Variants in PDE4DIP observed in about 807,000 individuals in gnomAD.
PDE4DIP encodes the protein phosphodiesterase 4D interacting protein.
A neutral mutation model predicts 221.4 loss-of-function variants in PDE4DIP; 59 were observed. The observed-to-expected ratio is 0.27, with a 90% CI of 0.22 to 0.33. The LOEUF (loss-of-function observed/expected upper bound fraction) is 0.33. PDE4DIP is among the 10% of genes least tolerant of loss of function. The pLI, the probability that PDE4DIP is intolerant of heterozygous loss-of-function variation, is 1.00. For synonymous variants in PDE4DIP, 404 were observed against 815.9 expected (o/e 0.50, Z 8.60); for missense variants, 1,036 against 2,154.2 (o/e 0.48, Z 10.28).
chr1:148,950,351 C>A (rs1247847129), intron 5 of PDE4DIP, among the ~76,000 whole-genome samples: 2 of 151,940 alleles, frequency 1.3e-5, no homozygotes, highest in Non-Finnish European at 2.9e-5. Context: ...TACCTAGAGG[C>A]AGGCAAAAAT....
At position 148,892,287 on chromosome 1, in the gene PDE4DIP, G is replaced by GC. The variant is rs11296893; in HGVS notation, c.141+2397dup. Among the ~76,000 whole-genome samples the GC allele has an allele frequency of 2.6e-4, 32 of 121,578 alleles. 12 individuals carry two copies. In the East Asian group the frequency reaches 0.012, roughly 46 times the overall value. The allele number at this position is 121,578 out of a possible 152,430, so 79.8% of individuals were successfully genotyped here. On this transcript the variant is annotated intron_variant, in intron 1 of 43. Coordinates refer to ENST00000369354, the Ensembl canonical transcript of PDE4DIP. ...TGGGATTACAGGCGTGAGCCACTGC[G>GC]CCCCACCAGGATTTTTTTTTTTTTT...
chr1:148,976,299 G>T (rs1334957107), intron 17 of PDE4DIP, among the ~76,000 whole-genome samples: 3 of 152,124 alleles, frequency 2.0e-5, no homozygotes, highest in Non-Finnish European at 4.4e-5. Context: ...TGGATATGTG[G>T]TATCTACAGG....
chr1:149,028,442 T>C (rs1191899433), intron 40 of PDE4DIP, 118 bp from the exon 44 acceptor site: 213 of 687,238 alleles, frequency 3.1e-4, no homozygotes, highest in African/African-American at 1.1e-3. Context: ...AATGGTTGTG[T>C]GAGGGCTTCA....
intron 17 of PDE4DIP, 63 bp from the exon 21 acceptor site, chr1:148,977,874 G>A: frequency 6.3e-7 from 1 of 1,592,584 alleles, no homozygotes; most frequent in South Asian, 1.2e-5. Context: ...AATAGGATAT[G>A]CAAAAGCATT....
exon 18 of PDE4DIP, chr1:148,978,041 A>G (rs782000989): frequency 6.2e-7 from 1 of 1,613,464 alleles, no homozygotes; most frequent in Non-Finnish European, 8.5e-7. Context: ...AGATTAAAGA[A>G]GATCTCATAA....
chr1:148,946,515 G>C (rs1170036894), intron 5 of PDE4DIP, among the ~76,000 whole-genome samples: 1 of 145,774 alleles, frequency 6.9e-6, no homozygotes, highest in Admixed American at 6.8e-5. Flanking sequence ...ACTCCAGCCT[G>C]GGGGACAAGA....
At chr1:148,997,547 C>T (rs1466064059) in intron 22 of PDE4DIP, among the ~76,000 whole-genome samples, 6 of 152,214 alleles carry the variant, frequency 3.9e-5, no homozygotes, top group African/African-American at 1.4e-4. Flanking sequence ...GATCCTTCTG[C>T]TGCCAATGAA....
At chr1:148,859,625 G>A (rs1457546228) in intron 1 of PDE4DIP, among the ~76,000 whole-genome samples, 37 of 150,754 alleles carry the variant, frequency 2.5e-4, no homozygotes, top group African/African-American at 9.2e-4. Flanking sequence ...AAATGCAGGA[G>A]AGCTAAAAGT....
intron 1 of PDE4DIP, among the ~76,000 whole-genome samples, chr1:148,901,847 G>A (rs587765900): frequency 3.3e-5 from 4 of 121,898 alleles, no homozygotes; most frequent in Non-Finnish European, 6.6e-5. Flanking sequence ...GAGTTACTCC[G>A]TCAGACCTCA....
intron 27 of PDE4DIP, among the ~76,000 whole-genome samples, 196 bp from the exon 31 acceptor site, chr1:149,007,005 A>AT (rs2067235889): frequency 1.0e-4 from 15 of 146,890 alleles, no homozygotes; most frequent in Non-Finnish European, 1.9e-4. Flanking sequence ...CCCGGCCCGT[A>AT]CTAAGTTTTT....
At chr1:148,981,441 C>T (rs782418564) in intron 21 of PDE4DIP, 44 bp downstream of exon 24, 1 of 1,612,704 alleles carries the variant, frequency 6.2e-7, no homozygotes, top group Non-Finnish European at 8.5e-7. Context: ...AGCATGCCTA[C>T]TGAGCACTGG....
chr1:149,019,551 A>G (rs1553615676), intron 35 of PDE4DIP: 3 of 152,188 alleles, frequency 2.0e-5, no homozygotes, highest in Admixed American at 6.5e-5. Context: ...AACAGATAAG[A>G]AAGAGGGCAG....
intron 5 of PDE4DIP, among the ~76,000 whole-genome samples, chr1:148,938,806 T>G (rs1359776187): frequency 6.6e-5 from 10 of 151,156 alleles, no homozygotes; most frequent in African/African-American, 2.4e-4. Context: ...TTTTTTTTTT[T>G]GAGTTGGAGT....
In PDE4DIP at chr1:149,028,505, C is replaced by G. The variant is rs183350317; in HGVS notation, c.6670-55C>G. On this transcript the variant is annotated intron_variant, in intron 40 of 43. Coordinates refer to ENST00000369354, the Ensembl canonical transcript of PDE4DIP. The stretch of plus-strand genomic sequence containing the variant: ...CCTCACTCACAAAGGAAGCTTGAGC[C>G]CATGCAGGGGGAAGAAAGTAATCTC... 204 of 1,548,490 alleles carry G rather than the reference C, an allele frequency of 1.3e-4. 3 individuals are homozygous for G. The African/African-American group carries it at 2.3e-3, about 18-fold the overall frequency.
At chr1:148,953,583 T>C (rs1553496953) in intron 5 of PDE4DIP, 3 of 1,611,246 alleles carry the variant, frequency 1.9e-6, no homozygotes, top group Non-Finnish European at 1.7e-6. Flanking sequence ...GCAAAGGAAC[T>C]TGGAAAGTGT....
At chr1:148,997,352 C>T (rs1553566289) in intron 22 of PDE4DIP, among the ~76,000 whole-genome samples, 1 of 147,320 alleles carries the variant, frequency 6.8e-6, no homozygotes, top group Non-Finnish European at 1.5e-5. Flanking sequence ...TGATGAATAA[C>T]TTCAAGAGTG....
intron 15 of PDE4DIP, 49 bp downstream of exon 18, chr1:148,972,393 AC>A (rs1475836882): frequency 1.8e-6 from 1 of 550,806 alleles, no homozygotes; most frequent in Non-Finnish European, 3.2e-6. Context: ...TTTCCTTTTT[AC>A]ATTTGAGGTG....
At chr1:148,961,321 C>G (rs1465571457) in intron 6 of PDE4DIP, among the ~76,000 whole-genome samples, 1 of 152,178 alleles carries the variant, frequency 6.6e-6, no homozygotes, top group Non-Finnish European at 1.5e-5. Context: ...AAAACACTTG[C>G]ATGCAGTCTT....
chr1:149,029,341 G>A (rs1457699689), intron 41 of PDE4DIP, among the ~76,000 whole-genome samples: 2 of 152,196 alleles, frequency 1.3e-5, no homozygotes, highest in African/African-American at 4.8e-5. Flanking sequence ...TAATTCCAGG[G>A]AGAGGGTGTT....
Sources: allele counts gnomAD v4.1 joint callset (sites outside exome capture counted in the v4.1 genomes callset), GRCh38; gene constraint gnomAD v4.1.1; transcripts MANE v1.5; gene names NCBI Gene and HGNC (gene_info 2026-07-23, HGNC 2026-07-21).